Variants in NEBL observed in about 807,000 individuals in gnomAD.
NEBL encodes LIM and SH3 protein 2.
Under a neutral mutation model 140.2 loss-of-function variants are expected in NEBL, and 122 were observed. That is an observed-to-expected ratio of 0.87 (90% confidence interval 0.75 to 1.01). The LOEUF is 1.01. Ranked by LOEUF, NEBL falls within the 50% of genes least tolerant of loss-of-function variation. The pLI is 0.00. For synonymous variants in NEBL, 436 were observed against 398.9 expected (o/e 1.09, Z -1.11); for missense variants, 1,365 against 1,231.3 (o/e 1.11, Z -1.62).
chr10:20,915,434 T>A (rs1848508159), intron 4 of NEBL, among the ~76,000 whole-genome samples: 1 of 126,200 alleles, frequency 7.9e-6, no homozygotes, highest in Non-Finnish European at 1.6e-5. Flanking sequence ...GTCCCCAGAG[T>A]GTGATGTTCC....
At chr10:20,852,920 C>G (rs967293032) in intron 9 of NEBL, among the ~76,000 whole-genome samples, 1 of 152,160 alleles carries the variant, frequency 6.6e-6, no homozygotes, top group Non-Finnish European at 1.5e-5. Context: ...TTCACAACAC[C>G]AGCGTGTGGC....
Position 20,949,173 on chromosome 10 carries a change from A to G in NEBL, c.357+12499T>C, listed in dbSNP as rs187325719. Among the ~76,000 whole-genome samples, 11 of 152,236 alleles carry G rather than the reference A, an allele frequency of 7.2e-5. No individual in the cohort carries two copies. In the East Asian group the frequency reaches 2.1e-3, roughly 29 times the overall value. On this transcript the variant is annotated intron_variant, in intron 4 of 6. Transcript: ENST00000417816. ...CCTGATTGCCCTGGCCAGAACTTCC[A>G]TTCTCAGCAAACTAACCCAGGAACA...
At chr10:21,033,397 GA>G (rs1833876779) in intron 2 of NEBL, among the ~76,000 whole-genome samples, 1 of 152,112 alleles carries the variant, frequency 6.6e-6, no homozygotes, top group Non-Finnish European at 1.5e-5. Context: ...AAAGATGGGG[GA>G]AAACCATAAA....
At chr10:20,840,102 C>A (rs551286494) in intron 13 of NEBL, among the ~76,000 whole-genome samples, 1 of 152,084 alleles carries the variant, frequency 6.6e-6, no homozygotes, top group Non-Finnish European at 1.5e-5. Context: ...CCATCGTCAT[C>A]GCTATCATCA....
chr10:20,991,882 C>T, intron 3 of NEBL, among the ~76,000 whole-genome samples: 1 of 150,456 alleles, frequency 6.6e-6, no homozygotes, highest in East Asian at 2.0e-4. Context: ...GTTTTCTGTT[C>T]CCACATTAAT....
chr10:21,195,839 T>C (rs1589324557), intron 3 of NEBL, among the ~76,000 whole-genome samples: 1 of 152,332 alleles, frequency 6.6e-6, no homozygotes, highest in East Asian at 1.9e-4. Flanking sequence ...ATTGGTGCTA[T>C]TTGATATTAA....
intron 4 of NEBL, among the ~76,000 whole-genome samples, chr10:20,936,399 G>C (rs933016146): frequency 1.3e-5 from 2 of 152,160 alleles, no homozygotes; most frequent in Non-Finnish European, 2.9e-5. Context: ...TGCCTAACAG[G>C]CTATTGCAAA....
intron 12 of NEBL, 31 bp from the exon 13 acceptor site, chr10:20,840,880 T>C (rs757855445): frequency 7.9e-7 from 1 of 1,264,096 alleles, no homozygotes; most frequent in Non-Finnish European, 1.1e-6. Context: ...AGTTCAAAAC[T>C]TAGCAGGAAT....
At chr10:21,003,304 G>A (rs777106906) in intron 3 of NEBL, among the ~76,000 whole-genome samples, 16 of 152,228 alleles carry the variant, frequency 1.1e-4, no homozygotes, top group Admixed American at 6.5e-4. Flanking sequence ...CACCTTTGGA[G>A]GGAAACAGCT....
At chr10:20,914,629 T>G (rs1589003249) in intron 4 of NEBL, among the ~76,000 whole-genome samples, 1 of 152,218 alleles carries the variant, frequency 6.6e-6, no homozygotes, top group East Asian at 1.9e-4. Flanking sequence ...AAAACTCCAT[T>G]TATATTTTCC....
At chr10:21,141,616 C>T (rs1839635097) in intron 2 of NEBL, among the ~76,000 whole-genome samples, 1 of 151,940 alleles carries the variant, frequency 6.6e-6, no homozygotes, top group Non-Finnish European at 1.5e-5. Flanking sequence ...CAAAAATCAC[C>T]CATTGACAGA....
intron 11 of NEBL, among the ~76,000 whole-genome samples, chr10:20,846,735 A>G (rs996241648): frequency 4.6e-5 from 7 of 152,148 alleles, no homozygotes; most frequent in African/African-American, 1.7e-4. Context: ...TCACGCATGC[A>G]TTTACATCAG....
intron 18 of NEBL, 70 bp from the exon 19 acceptor site, chr10:20,823,370 A>T (rs924585561): frequency 1.1e-5 from 12 of 1,122,428 alleles, no homozygotes; most frequent in East Asian, 2.4e-5. Context: ...AGAATTCTTC[A>T]ATTGTAACTA....
chr10:21,011,274 G>A (rs559312291), intron 3 of NEBL, among the ~76,000 whole-genome samples: 5 of 152,230 alleles, frequency 3.3e-5, no homozygotes, highest in Admixed American at 6.5e-5. Flanking sequence ...AAATCAAAGC[G>A]TATACAACAG....
chr10:20,922,278 A>G (rs1336681045), intron 4 of NEBL, among the ~76,000 whole-genome samples: 3 of 152,160 alleles, frequency 2.0e-5, no homozygotes, highest in African/African-American at 7.2e-5. Context: ...ACCCAAATAT[A>G]GGCCCTCCCT....
intron 3 of NEBL, among the ~76,000 whole-genome samples, chr10:21,200,944 T>G (rs1449814729): frequency 6.6e-6 from 1 of 151,960 alleles, no homozygotes; most frequent in Non-Finnish European, 1.5e-5. Flanking sequence ...TAAAAAATTA[T>G]CTGGATGTGG....
chr10:21,154,968 A>G (rs1840283619), intron 2 of NEBL, among the ~76,000 whole-genome samples: 1 of 152,188 alleles, frequency 6.6e-6, no homozygotes, highest in Non-Finnish European at 1.5e-5. Flanking sequence ...TGGGAGGCCG[A>G]GGCGGGTGGA....
chr10:20,845,432 G>A, intron 11 of NEBL, 64 bp from the exon 12 acceptor site: 1 of 1,031,518 alleles, frequency 9.7e-7, no homozygotes, highest in Non-Finnish European at 1.5e-6. Flanking sequence ...AAAGAGATTT[G>A]AACAAGAGTT....
At chr10:20,935,077 A>C (rs1470686228) in intron 4 of NEBL, among the ~76,000 whole-genome samples, 1 of 152,186 alleles carries the variant, frequency 6.6e-6, no homozygotes, top group Non-Finnish European at 1.5e-5. Flanking sequence ...TAGGGTTAAA[A>C]ATATGACTGG....
Sources: allele counts gnomAD v4.1 joint callset (sites outside exome capture counted in the v4.1 genomes callset), GRCh38; gene constraint gnomAD v4.1.1; transcripts MANE v1.5; gene names NCBI Gene and HGNC (gene_info 2026-07-23, HGNC 2026-07-21).